SCFD1: variants seen among roughly 807,000 people sequenced by gnomAD.
SCFD1 encodes sec1 family domain containing 1.
In SCFD1, 37 loss-of-function variants were observed where a neutral mutation model predicts 103.2. The ratio of observed to expected loss-of-function variants is 0.36; its 90% CI spans 0.28 to 0.47. SCFD1 has a LOEUF of 0.47. SCFD1 is among the 20% of genes least tolerant of loss of function. SCFD1 has a pLI of 1.00. For synonymous variants in SCFD1, 264 were observed against 245.0 expected (o/e 1.08, Z -0.73); for missense variants, 639 against 761.2 (o/e 0.84, Z 1.89).
At chr14:30,656,296 T>C (rs929633532) in intron 10 of SCFD1, among the ~76,000 whole-genome samples, 28 of 152,164 alleles carry the variant, frequency 1.8e-4, no homozygotes, top group African/African-American at 6.7e-4. Context: ...TTACAACATG[T>C]TTGTATACTA....
chr14:30,693,157 C>T (rs940713209), intron 14 of SCFD1, among the ~76,000 whole-genome samples: 2 of 152,018 alleles, frequency 1.3e-5, no homozygotes, highest in African/African-American at 4.8e-5. Flanking sequence ...ATAGGGAATC[C>T]TCTACATGCT....
intron 10 of SCFD1, among the ~76,000 whole-genome samples, chr14:30,655,735 A>C (rs748699297): frequency 6.6e-6 from 1 of 152,214 alleles, no homozygotes; most frequent in Non-Finnish European, 1.5e-5. Context: ...GATGACTCCA[A>C]GGTTTTAGCC....
rs547705716 is a variant in SCFD1 at position 30,638,011 on chromosome 14, A to G, written c.313-114A>G. The G allele has an allele frequency of 2.3e-5, 30 of 1,290,414 alleles. No homozygotes were observed. In the South Asian group the frequency reaches 3.6e-4, roughly 15 times the overall value. 79.9% of individuals were successfully genotyped at this position (1,290,414 alleles called of 1,614,324 possible). On this transcript the variant is annotated intron_variant, in intron 4 of 24. Transcript: ENST00000458591. ...TTTTTCTCTTGGGATACTTTTTTTG[A>G]TTGTCATTTAAATATCCTGTCTTTT...
intron 7 of SCFD1, chr14:30,644,050 G>C (rs1202519179): frequency 2.2e-6 from 1 of 446,794 alleles, no homozygotes; most frequent in Admixed American, 2.4e-5. Flanking sequence ...TCTCATCTTT[G>C]TGTCTTTTCT....
chr14:30,630,604 A>T, intron 3 of SCFD1, 39 bp downstream of exon 3: 1 of 1,191,512 alleles, frequency 8.4e-7, no homozygotes, highest in Non-Finnish European at 1.3e-6. Flanking sequence ...TATTCATTTA[A>T]AGAACATTTA....
At chr14:30,733,229 C>T (rs1457656250) in intron 23 of SCFD1, among the ~76,000 whole-genome samples, 6 of 152,012 alleles carry the variant, frequency 3.9e-5, no homozygotes, top group South Asian at 2.1e-4. Flanking sequence ...AGGCTGGTCT[C>T]GAACTCCTGA....
intron 11 of SCFD1, among the ~76,000 whole-genome samples, chr14:30,672,280 G>A (rs1408500686): frequency 5.9e-5 from 9 of 152,118 alleles, no homozygotes; most frequent in Non-Finnish European, 1.2e-4. Flanking sequence ...TGAGGCCTCA[G>A]TGCTATTTTT....
intron 15 of SCFD1, 107 bp from the exon 16 acceptor site, chr14:30,700,081 T>A: frequency 2.7e-6 from 2 of 746,456 alleles, no homozygotes; most frequent in Non-Finnish European, 4.5e-6. Context: ...CCATGTTTTG[T>A]TTTGTCACAT....
chr14:30,649,724 C>A lies in SCFD1; in HGVS notation c.669+141C>A, dbSNP rs576955205. ...AATAGCAAATATTTTTATTTTATTA[C>A]ATTGAGATTGCACCGAAGATAAAAA... On this transcript the variant is annotated intron_variant, in intron 8 of 24. Coordinates refer to ENST00000458591, the MANE Select transcript of SCFD1 (RefSeq NM_016106.4). The A allele has an allele frequency of 1.1e-5, 7 of 642,026 alleles. No individual in the cohort carries two copies. The African/African-American group carries it at 1.4e-4, about 13-fold the overall frequency. 39.8% of individuals were successfully genotyped at this position (642,026 alleles called of 1,614,324 possible).
At chr14:30,703,369 G>A (rs1849100104) in intron 17 of SCFD1, among the ~76,000 whole-genome samples, 1 of 149,226 alleles carries the variant, frequency 6.7e-6, no homozygotes, top group Non-Finnish European at 1.5e-5. Context: ...TATGATCCCT[G>A]TTTATCCATT....
At chr14:30,700,542 CGTGCGCCT>C (rs1487577938) in intron 16 of SCFD1, among the ~76,000 whole-genome samples, 1 of 152,090 alleles carries the variant, frequency 6.6e-6, no homozygotes, top group African/African-American at 2.4e-5. Flanking sequence ...AGTGTGGTGG[CGTGCGCCT>C]GTAATCCCAG....
chr14:30,665,185 G>C (rs1037944091), intron 10 of SCFD1, among the ~76,000 whole-genome samples: 2 of 152,260 alleles, frequency 1.3e-5, no homozygotes, highest in Non-Finnish European at 2.9e-5. Context: ...CCGACTAACA[G>C]TGGATCTCTC....
chr14:30,708,123 T>A, intron 19 of SCFD1, 58 bp downstream of exon 19: 1 of 1,100,638 alleles, frequency 9.1e-7, no homozygotes. Context: ...GTTGACAGGC[T>A]AACTGCTCAG....
At chr14:30,712,676 G>A (rs191878025) in intron 19 of SCFD1, among the ~76,000 whole-genome samples, 195 of 152,142 alleles carry the variant, frequency 1.3e-3, no homozygotes, top group African/African-American at 4.4e-3. Context: ...ATTTTTTTCA[G>A]ATAAAGTTCC....
At chr14:30,643,962 A>G (rs1885549157) in intron 7 of SCFD1, 1 of 456,682 alleles carries the variant, frequency 2.2e-6, no homozygotes, top group South Asian at 1.5e-5. Flanking sequence ...TTCGTCACCC[A>G]GGCCATGGGC....
chr14:30,725,350 C>T (rs1328717122), intron 23 of SCFD1, among the ~76,000 whole-genome samples: 1 of 152,088 alleles, frequency 6.6e-6, no homozygotes, highest in Non-Finnish European at 1.5e-5. Flanking sequence ...TGTGTCATCT[C>T]TGATTTATTT....
chr14:30,657,587 C>T (rs1438645188), intron 10 of SCFD1, among the ~76,000 whole-genome samples: 1 of 151,266 alleles, frequency 6.6e-6, no homozygotes, highest in Non-Finnish European at 1.5e-5. Context: ...TTATAATTAA[C>T]TATGCAACTT....
intron 21 of SCFD1, 195 bp from the exon 22 acceptor site, chr14:30,721,680 ATCTCCCTTT>A (rs1348567145): frequency 1.8e-6 from 1 of 547,668 alleles, no homozygotes; most frequent in Non-Finnish European, 3.2e-6. Context: ...ACTCTGAGAT[ATCTCCCTTT>A]TCTAGCTGCT....
chr14:30,644,489 C>T (rs1885610482), intron 7 of SCFD1, among the ~76,000 whole-genome samples: 1 of 152,192 alleles, frequency 6.6e-6, no homozygotes, highest in African/African-American at 2.4e-5. Flanking sequence ...GTTCCCTTTC[C>T]TCTGCAACCT....
Sources: gnomAD v4.1 joint callset for allele counts (sites outside exome capture counted in the v4.1 genomes callset) on GRCh38, gnomAD v4.1.1 for gene constraint, MANE v1.5 for transcripts, NCBI Gene and HGNC (gene_info 2026-07-23, HGNC 2026-07-21) for gene names.